The following KMT2C variants were observed in gnomAD, a reference collection of about 807,000 sequenced individuals.
KMT2C encodes the protein lysine methyltransferase 2C, also known as histone-lysine N-methyltransferase 2C.
KMT2C carries 88 observed loss-of-function variants against 507.9 expected under a neutral mutation model. The observed-to-expected ratio is 0.17, with a 90% CI of 0.15 to 0.21. The LOEUF is 0.21. Ranked by LOEUF, KMT2C falls within the 10% of genes least tolerant of loss-of-function variation. The pLI, the probability that KMT2C is intolerant of heterozygous loss-of-function variation, is 1.00. For missense variants in KMT2C, 4,954 were observed against 5,957.8 expected, an observed-to-expected ratio of 0.83 and a Z score of 5.55; for synonymous variants, 2,049 against 2,080.8, an observed-to-expected ratio of 0.98 and a Z score of 0.42.
intron 5 of KMT2C, among the ~76,000 whole-genome samples, chr7:152,310,800 C>T (rs2096665042): frequency 6.6e-6 from 1 of 152,088 alleles, no homozygotes; most frequent in Non-Finnish European, 1.5e-5. Flanking sequence ...CCTCCTGTCT[C>T]AGCCTTGCCA....
At chr7:152,188,612 TTTTTTTTTTTTTG>T (rs1195856926) in intron 31 of KMT2C, among the ~76,000 whole-genome samples, 22 of 131,648 alleles carry the variant, frequency 1.7e-4, no homozygotes, top group Non-Finnish European at 2.5e-4. Context: ...TTCCTTTTTT[TTTTTTTTTTTTTG>T]TTTTTGAGAT....
chr7:152,267,884 G>T (rs80126033), intron 7 of KMT2C, among the ~76,000 whole-genome samples: 51 of 148,610 alleles, frequency 3.4e-4, no homozygotes, highest in Middle Eastern at 3.6e-3. Context: ...TGGGTTGTCT[G>T]CCATGCACCT....
chr7:152,347,714 A>C (rs941354557), intron 2 of KMT2C, among the ~76,000 whole-genome samples: 7 of 152,240 alleles, frequency 4.6e-5, no homozygotes, highest in African/African-American at 1.7e-4. Flanking sequence ...TTTAACTTTC[A>C]GTAATAGATT....
intron 26 of KMT2C, among the ~76,000 whole-genome samples, chr7:152,201,617 GAAAAAAAAAAAAA>G (rs745427209): frequency 2.2e-4 from 5 of 22,874 alleles, no homozygotes; most frequent in African/African-American, 3.3e-4. Flanking sequence ...CAACAAAGAT[GAAAAAAAAAAAAA>G]AAAAAAAAAA....
In KMT2C at chr7:152,421,249, A is replaced by T. The variant is rs1277028895; in HGVS notation, c.161+14377T>A. On this transcript the variant is annotated intron_variant, in intron 1 of 58. Coordinates refer to ENST00000262189, the MANE Select transcript of KMT2C (RefSeq NM_170606.3). ...TTAAAAAGTCACACACAAAAAAAAC[A>T]TGTTGGCAAGGTTGTAGAGAAAAGG... Among the ~76,000 whole-genome samples the T allele has an allele frequency of 2.5e-4, 38 of 152,136 alleles. 1 individual carries two copies. The highest frequency in any genetic ancestry group is 2.5e-3 in the Admixed American group (38 of 15,262).
intron 2 of KMT2C, among the ~76,000 whole-genome samples, chr7:152,344,023 T>C (rs1241097817): frequency 6.6e-6 from 1 of 152,206 alleles, no homozygotes; most frequent in Non-Finnish European, 1.5e-5. Context: ...TATTAACTGA[T>C]CTAATAGATA....
intron 34 of KMT2C, among the ~76,000 whole-genome samples, chr7:152,183,540 T>A (rs946879114): frequency 6.6e-6 from 1 of 152,026 alleles, no homozygotes; most frequent in Non-Finnish European, 1.5e-5. Context: ...GGCGGGTGGA[T>A]CACCTGACGT....
In KMT2C at chr7:152,150,901, T is replaced by C. The variant is rs1290766743; in HGVS notation, c.12773A>G (p.Lys4258Arg). ...CAGCTGAGATTATCCTAATCTCACCTTGTTTTCTGAGTTTTTCGCTTGTGC... is the reference window on the plus strand; with the variant it reads ...CAGCTGAGATTATCCTAATCTCACCCTGTTTTCTGAGTTTTTCGCTTGTGC... ...STAQAKNSEN[K>R]ESIPSLPQSP... The change falls in exon 51 of 59, where the codon AAG becomes AGG. Residue 4258 changes from lysine to arginine, a missense_variant and splice_region_variant. Lys to Arg is a conservative substitution (Grantham distance 26, BLOSUM62 2). Transcript: ENST00000262189. 6.3e-7 allele frequency: 1 copy of C among 1,596,416 alleles called. No individual in the cohort carries two copies. The highest frequency in any genetic ancestry group is 1.1e-5 in the South Asian group (1 of 90,530).
chr7:152,318,230 T>C (rs1006741523), intron 3 of KMT2C, among the ~76,000 whole-genome samples: 2 of 152,062 alleles, frequency 1.3e-5, no homozygotes, highest in African/African-American at 4.8e-5. Context: ...ATTACAATAA[T>C]GTAAACCAAA....
chr7:152,368,911 A>G (rs1297997441), intron 1 of KMT2C, among the ~76,000 whole-genome samples: 5 of 151,958 alleles, frequency 3.3e-5, no homozygotes, highest in Non-Finnish European at 7.4e-5. Flanking sequence ...TTTTTTTATT[A>G]AACAGATATC....
intron 49 of KMT2C, among the ~76,000 whole-genome samples, chr7:152,152,323 G>C (rs2091694261): frequency 6.6e-6 from 1 of 152,206 alleles, no homozygotes; most frequent in Non-Finnish European, 1.5e-5. Context: ...GGAAAGCAGA[G>C]GAGAACAGGA....
intron 1 of KMT2C, among the ~76,000 whole-genome samples, chr7:152,379,792 G>C (rs1242123090): frequency 5.3e-5 from 8 of 152,288 alleles, no homozygotes; most frequent in Admixed American, 5.2e-4. Flanking sequence ...CAGAGAGAGA[G>C]AGACTTCAAA....
chr7:152,330,486 T>A (rs1227741821), intron 3 of KMT2C, 115 bp downstream of exon 3: 2 of 1,047,696 alleles, frequency 1.9e-6, no homozygotes. Flanking sequence ...TACTAAATCA[T>A]AAAATCCCAC....
chr7:152,238,665 CA>C, intron 15 of KMT2C, 41 bp downstream of exon 15: 3 of 1,571,670 alleles, frequency 1.9e-6, no homozygotes, highest in Non-Finnish European at 2.6e-6. Flanking sequence ...CAAAACAAAT[CA>C]GACAGAAATG....
intron 31 of KMT2C, among the ~76,000 whole-genome samples, chr7:152,193,637 C>T (rs1198714368): frequency 1.3e-5 from 2 of 151,874 alleles, no homozygotes; most frequent in Admixed American, 6.6e-5. Context: ...ACAGTGAAAC[C>T]GAGGGCAGAT....
At chr7:152,194,335 A>T (rs2129129298) in intron 29 of KMT2C, 74 bp from the exon 30 acceptor site, 1 of 1,375,562 alleles carries the variant, frequency 7.3e-7, no homozygotes, top group East Asian at 2.3e-5. Flanking sequence ...ATAGTATTTA[A>T]CTGACAGAAA....
intron 49 of KMT2C, among the ~76,000 whole-genome samples, chr7:152,152,069 G>T (rs1331428627): frequency 6.6e-6 from 1 of 152,192 alleles, no homozygotes; most frequent in Non-Finnish European, 1.5e-5. Flanking sequence ...CATCATTCAG[G>T]TGCAGTGTGA....
At chr7:152,313,567 A>AT (rs996998149) in intron 4 of KMT2C, among the ~76,000 whole-genome samples, 4 of 152,060 alleles carry the variant, frequency 2.6e-5, no homozygotes, top group Non-Finnish European at 5.9e-5. Flanking sequence ...AAAATTCTTG[A>AT]TTTTTTTATT....
At chr7:152,434,974 G>A (rs2097902710) in intron 1 of KMT2C, among the ~76,000 whole-genome samples, 1 of 152,194 alleles carries the variant, frequency 6.6e-6, no homozygotes, top group Non-Finnish European at 1.5e-5. Flanking sequence ...GATCCCACAG[G>A]ACTTGTGCTT....
Sources: allele counts gnomAD v4.1 joint callset (sites outside exome capture counted in the v4.1 genomes callset), GRCh38; gene constraint gnomAD v4.1.1; transcripts MANE v1.5; gene names NCBI Gene and HGNC (gene_info 2026-07-23, HGNC 2026-07-21).